Variants in NRXN1 observed in about 807,000 individuals in gnomAD.
The protein encoded by NRXN1 is neurexin-1.
Under a neutral mutation model 150.9 loss-of-function variants are expected in NRXN1, and 39 were observed. The ratio of observed to expected loss-of-function variants is 0.26; its 90% CI spans 0.20 to 0.34. The LOEUF (loss-of-function observed/expected upper bound fraction) is 0.34, where lower values mean the gene tolerates loss of function less well. Among genes scored for constraint, NRXN1 ranks in the 10% least tolerant of loss-of-function variants. NRXN1 has a pLI of 1.00. For synonymous variants in NRXN1, 924 were observed against 757.0 expected, an observed-to-expected ratio of 1.22 and a Z score of -3.62; for missense variants, 1,815 against 1,949.9, an observed-to-expected ratio of 0.93 and a Z score of 1.30.
At chr2:50,864,769 C>T (rs370741407) in intron 5 of NRXN1, among the ~76,000 whole-genome samples, 2 of 152,082 alleles carry the variant, frequency 1.3e-5, no homozygotes, top group East Asian at 1.9e-4. Flanking sequence ...ATCTGTGAGA[C>T]GTCCTTTGAA....
intron 9 of NRXN1, among the ~76,000 whole-genome samples, chr2:50,543,962 T>A (rs1310569264): frequency 6.6e-6 from 1 of 152,124 alleles, no homozygotes; most frequent in Non-Finnish European, 1.5e-5. Flanking sequence ...GCTAGCAAGT[T>A]TAGCCAAAGG....
intron 17 of NRXN1, among the ~76,000 whole-genome samples, chr2:50,361,827 G>A (rs2079228552): frequency 6.6e-6 from 1 of 152,136 alleles, no homozygotes; most frequent in Non-Finnish European, 1.5e-5. Context: ...TATCCCTGAT[G>A]AACATCGATG....
chr2:50,075,108 A>T (rs1475304241), intron 19 of NRXN1, among the ~76,000 whole-genome samples: 1 of 152,224 alleles, frequency 6.6e-6, no homozygotes, highest in Non-Finnish European at 1.5e-5. Context: ...AACAATTTAT[A>T]TGTATAGAAA....
At chr2:50,633,989 G>C (rs1559051734) in intron 5 of NRXN1, among the ~76,000 whole-genome samples, 1 of 152,158 alleles carries the variant, frequency 6.6e-6, no homozygotes, top group Non-Finnish European at 1.5e-5. Context: ...CTTGTGGGAA[G>C]ATCTGGACAA....
At chr2:50,219,953 A>ATT (rs1491227131) in intron 18 of NRXN1, among the ~76,000 whole-genome samples, 8 of 62,410 alleles carry the variant, frequency 1.3e-4, no homozygotes, top group African/African-American at 5.5e-4. Flanking sequence ...TTATATATAT[A>ATT]ATATATATAT....
At chr2:50,897,263 C>T (rs925592698) in intron 5 of NRXN1, among the ~76,000 whole-genome samples, 16 of 152,134 alleles carry the variant, frequency 1.1e-4, no homozygotes, top group African/African-American at 3.6e-4. Flanking sequence ...GAGATTAATG[C>T]CAAACGTCGT....
At chr2:50,273,483 G>C (rs1423018445) in intron 17 of NRXN1, among the ~76,000 whole-genome samples, 2 of 152,088 alleles carry the variant, frequency 1.3e-5, no homozygotes, top group Non-Finnish European at 2.9e-5. Flanking sequence ...TGGATGGTTT[G>C]TGTTTTCGAG....
chr2:50,518,236 T>G (rs912480405), intron 12 of NRXN1, among the ~76,000 whole-genome samples: 15 of 152,078 alleles, frequency 9.9e-5, no homozygotes, highest in African/African-American at 3.4e-4. Flanking sequence ...TAGCAATCTT[T>G]AAATCTAATC....
intron 19 of NRXN1, among the ~76,000 whole-genome samples, chr2:50,087,328 A>G (rs374819688): frequency 6.6e-6 from 1 of 152,276 alleles, no homozygotes; most frequent in East Asian, 1.9e-4. Flanking sequence ...TAACTTGAGT[A>G]TAAAACGAAC....
At chr2:51,014,355 A>T (rs1048493382) in intron 2 of NRXN1, among the ~76,000 whole-genome samples, 2 of 152,102 alleles carry the variant, frequency 1.3e-5, no homozygotes, top group African/African-American at 4.8e-5. Flanking sequence ...TCTTAGGCAG[A>T]TAAAGATAAT....
chr2:50,000,908 C>T (rs185583740), intron 21 of NRXN1, among the ~76,000 whole-genome samples: 1 of 152,270 alleles, frequency 6.6e-6, no homozygotes, highest in East Asian at 1.9e-4. Context: ...TATTTGCTTT[C>T]TTGGTCATCC....
chr2:50,281,130 C>G (rs2071385764), intron 17 of NRXN1, among the ~76,000 whole-genome samples: 1 of 145,324 alleles, frequency 6.9e-6, no homozygotes. Flanking sequence ...CGGTGAAACC[C>G]CGTCTCTACT....
chr2:50,977,174 T>A (rs921890899), intron 2 of NRXN1, among the ~76,000 whole-genome samples: 4 of 151,750 alleles, frequency 2.6e-5, no homozygotes, highest in Non-Finnish European at 5.9e-5. Context: ...ATACCACATA[T>A]AAAAAGAAAA....
intron 17 of NRXN1, among the ~76,000 whole-genome samples, chr2:50,389,904 G>A (rs1347795409): frequency 6.6e-6 from 1 of 152,114 alleles, no homozygotes; most frequent in Non-Finnish European, 1.5e-5. Context: ...TATACTTGGT[G>A]ATGTTATGGT....
chr2:50,553,060 C>T, intron 8 of NRXN1, 35 bp from the exon 9 acceptor site: 1 of 1,446,374 alleles, frequency 6.9e-7, no homozygotes, highest in Non-Finnish European at 9.4e-7. Context: ...AAACTAGCCT[C>T]CATATTTTAA....
chr2:50,492,319 G>A (rs1446520227), intron 15 of NRXN1, among the ~76,000 whole-genome samples: 1 of 152,168 alleles, frequency 6.6e-6, no homozygotes, highest in Non-Finnish European at 1.5e-5. Flanking sequence ...ACAACCCCCT[G>A]AGAATCGAGC....
chr2:50,641,237 C>A (rs551161378), intron 5 of NRXN1, among the ~76,000 whole-genome samples: 3 of 152,206 alleles, frequency 2.0e-5, no homozygotes, highest in Non-Finnish European at 2.9e-5. Flanking sequence ...TCATAAAAGG[C>A]TTTAATACAT....
At chr2:50,107,145 T>C (rs1055759385) in intron 18 of NRXN1, among the ~76,000 whole-genome samples, 7 of 151,916 alleles carry the variant, frequency 4.6e-5, no homozygotes, top group African/African-American at 1.7e-4. Flanking sequence ...GCATTCCACA[T>C]ACAGATTAGC....
At chr2:50,396,989 A>G (rs1235293981) in intron 17 of NRXN1, among the ~76,000 whole-genome samples, 1 of 152,064 alleles carries the variant, frequency 6.6e-6, no homozygotes, top group Non-Finnish European at 1.5e-5. Flanking sequence ...AGATAAATCT[A>G]CTATCCTAGA....
Sources: allele counts gnomAD v4.1 joint callset (sites outside exome capture counted in the v4.1 genomes callset), GRCh38; gene constraint gnomAD v4.1.1; transcripts MANE v1.5; gene names NCBI Gene and HGNC (gene_info 2026-07-23, HGNC 2026-07-21).